PRELP: variants seen among roughly 807,000 people sequenced by gnomAD.
PRELP encodes proline and arginine rich end leucine rich repeat protein, also known as prolargin.
Under a neutral mutation model 22.8 loss-of-function variants are expected in PRELP, and 16 were observed. That is an observed-to-expected ratio of 0.70 (90% confidence interval 0.47 to 1.06). The LOEUF (loss-of-function observed/expected upper bound fraction) is 1.06. Among genes scored for constraint, PRELP ranks in the 50% least tolerant of loss-of-function variants. The pLI, the probability that PRELP is intolerant of heterozygous loss-of-function variation, is 0.00. For missense variants in PRELP, 434 were observed against 485.2 expected (o/e 0.89, Z 0.99); for synonymous variants, 233 against 211.4 (o/e 1.10, Z -0.89).
intron 1 of PRELP, among the ~76,000 whole-genome samples, chr1:203,479,087 G>T (rs1364135868): frequency 6.6e-6 from 1 of 152,176 alleles, no homozygotes; most frequent in Admixed American, 6.5e-5. Context: ...CCACTGCAGG[G>T]TAGCTCTGGG....
Position 203,488,695 on chromosome 1 carries a change from C to T in PRELP, c.*1814C>T, listed in dbSNP as rs1661140414. ...TCCCTCCCCCAGAGGCTTCCCCACC[C>T]TCCATTGCCTGGCCCAGGTGAGCAG... On this transcript the variant is annotated 3_prime_UTR_variant, in exon 3 of 3. Coordinates refer to ENST00000343110, the MANE Select transcript of PRELP (RefSeq NM_002725.4). The T allele has an allele frequency of 6.6e-6, 1 of 152,232 alleles. No homozygotes were observed. The highest frequency in any genetic ancestry group is 1.5e-5 in the Non-Finnish European group (1 of 68,080). 9.4% of individuals were successfully genotyped at this position (152,232 alleles called of 1,614,324 possible). A position where few individuals can be genotyped will look rare whatever the true frequency, so the allele number is the denominator to read the frequency against.
rs182637290 is a variant in PRELP at position 203,478,662 on chromosome 1, C to T, written c.-17+2724C>T. ...GAAAACTGAGGCCCAGAACAGGGTT[C>T]GCATCACTAGGTAGTGGTGGAGGGG... On this transcript the variant is annotated intron_variant, in intron 1 of 2. Coordinates refer to ENST00000343110, the MANE Select transcript of PRELP (RefSeq NM_002725.4). Among the ~76,000 whole-genome samples the T allele has an allele frequency of 3.5e-4, 53 of 152,144 alleles. No homozygotes were observed. In the East Asian group the frequency reaches 7.5e-3, roughly 22 times the overall value.
chr1:203,487,142 G>C lies in PRELP; in HGVS notation c.*261G>C. On this transcript the variant is annotated 3_prime_UTR_variant, in exon 3 of 3. Coordinates refer to ENST00000343110, the MANE Select transcript of PRELP (RefSeq NM_002725.4). Reference sequence around the variant, plus strand: ...CCTTCTGTGGTTTCCCTTTGCTCCAGAAACACAGATGTGTCTAAAGACTTG... The same window carrying C: ...CCTTCTGTGGTTTCCCTTTGCTCCACAAACACAGATGTGTCTAAAGACTTG... 2.4e-6 allele frequency: 1 copy of C among 424,126 alleles called. No homozygotes were observed. The highest frequency in any genetic ancestry group is 4.2e-6 in the Non-Finnish European group (1 of 235,800). 26.3% of individuals were successfully genotyped at this position (424,126 alleles called of 1,614,324 possible). A position where few individuals can be genotyped will look rare whatever the true frequency, so the allele number is the denominator to read the frequency against.
intron 1 of PRELP, among the ~76,000 whole-genome samples, chr1:203,481,642 C>T (rs767358164): frequency 6.6e-5 from 10 of 152,186 alleles, no homozygotes; most frequent in Non-Finnish European, 1.2e-4. Flanking sequence ...CAGTCTCTGC[C>T]TTCCTTCCCT....
chr1:203,485,772 T>A lies in PRELP; in HGVS notation c.974-934T>A, dbSNP rs564764587. Among the ~76,000 whole-genome samples the A allele has an allele frequency of 3.3e-5, 5 of 152,198 alleles. 1 individual carries two copies. The highest frequency in any genetic ancestry group is 1.2e-4 in the African/African-American group (5 of 41,550). Reference sequence around the variant, plus strand: ...CTTCCTCCTCCTGCTCCTCCATAAATGATAAGTGAGGCAAGGCTTAGGGAG... The same window carrying A: ...CTTCCTCCTCCTGCTCCTCCATAAAAGATAAGTGAGGCAAGGCTTAGGGAG... On this transcript the variant is annotated intron_variant, in intron 2 of 2. Transcript: ENST00000343110.
At chr1:203,481,109 G>A (rs537221948) in intron 1 of PRELP, among the ~76,000 whole-genome samples, 7 of 152,082 alleles carry the variant, frequency 4.6e-5, no homozygotes, top group Non-Finnish European at 8.8e-5. Flanking sequence ...ATATGCTTTC[G>A]GTGACAAAGG....
At chr1:203,477,931 G>A (rs2102204388) in intron 1 of PRELP, among the ~76,000 whole-genome samples, 1 of 152,292 alleles carries the variant, frequency 6.6e-6, no homozygotes, top group South Asian at 2.1e-4. Context: ...AGACCCAAGT[G>A]TGATCTCACA....
Position 203,483,567 on chromosome 1 carries a change from T to A in PRELP, c.383T>A (p.Leu128Gln). 1 of 1,614,208 alleles carries A rather than the reference T, an allele frequency of 6.2e-7. No homozygotes were observed. Among genetic ancestry groups the A allele is most frequent in the Non-Finnish European group, 8.5e-7 (1 of 1,180,042 alleles). ...PVESFQNATGLRWINLDNNRI... is the reference protein window; with the variant it reads ...PVESFQNATGQRWINLDNNRI... The stretch of plus-strand genomic sequence containing the variant: ...GAGTCCTTCCAGAATGCCACAGGCC[T>A]GCGATGGATTAACCTGGACAACAAC... The change falls in exon 2 of 3, where the codon CTG becomes CAG. Residue 128 changes from leucine to glutamine, a missense_variant. Physicochemically the swap from Leu to Gln is moderately radical, Grantham distance 113. Transcript: ENST00000343110. This position sits in a 1 kb window ranked among gnomAD's most constrained non-coding sequence, Gnocchi z 4.4.
intron 1 of PRELP, among the ~76,000 whole-genome samples, chr1:203,482,257 G>A (rs1023776665): frequency 2.4e-4 from 37 of 151,834 alleles, no homozygotes; most frequent in African/African-American, 8.0e-4. Context: ...CTCCTGACTC[G>A]GAGTCCAGTG....
At chr1:203,481,448 T>C (rs1660998707) in intron 1 of PRELP, among the ~76,000 whole-genome samples, 2 of 152,222 alleles carry the variant, frequency 1.3e-5, no homozygotes, top group African/African-American at 4.8e-5. Context: ...AGTTTTGCAA[T>C]TAATGCCTTC....
Position 203,483,617 on chromosome 1 carries a change from G to T in PRELP, c.433G>T (p.Val145Leu). The change falls in exon 2 of 3, where the codon GTG becomes TTG. Residue 145 changes from valine to leucine, a missense_variant. Coordinates refer to ENST00000343110, the MANE Select transcript of PRELP (RefSeq NM_002725.4). The surrounding 1 kb of genome is among the most constrained non-coding windows in gnomAD (Gnocchi z 4.4). ...CCGAATCCGCAAGATAGACCAGAGG[G>T]TGCTGGAGAAACTGCCCGGCCTGGT... ...NNRIRKIDQR[V>L]LEKLPGLVFL... The T allele has an allele frequency of 6.2e-7, 1 of 1,614,216 alleles. No individual in the cohort carries two copies. The highest frequency in any genetic ancestry group is 8.5e-7 in the Non-Finnish European group (1 of 1,180,036).
chr1:203,482,346 T>C (rs1661015108), intron 1 of PRELP, among the ~76,000 whole-genome samples: 1 of 151,758 alleles, frequency 6.6e-6, no homozygotes, highest in African/African-American at 2.4e-5. Flanking sequence ...TGGTGCAATC[T>C]CGGCTCACTG....
In PRELP at chr1:203,486,776, C is replaced by T. The variant is rs770799918; in HGVS notation, c.1044C>T (p.Asn348=). The change falls in exon 3 of 3, where the codon AAC becomes AAT. Residue 348 remains asparagine (N), a synonymous_variant. Coordinates refer to ENST00000343110, the MANE Select transcript of PRELP (RefSeq NM_002725.4). ...ATGACTTCTCCTCGGACCTGGAGAA[C>T]GTGCCACACCTGCGCTACCTGCGGC... ...AFHDFSSDLE[N]VPHLRYLRLD... 1.5e-5 allele frequency: 24 copies of T among 1,613,908 alleles called. No individual in the cohort carries two copies. The highest frequency in any genetic ancestry group is 1.9e-5 in the Non-Finnish European group (23 of 1,179,900).
At chr1:203,480,887 C>T (rs1660987994) in intron 1 of PRELP, among the ~76,000 whole-genome samples, 1 of 152,220 alleles carries the variant, frequency 6.6e-6, no homozygotes, top group South Asian at 2.1e-4. Context: ...ATGAGGAAGG[C>T]CTGTGTTTAC....
At chr1:203,477,519 G>A (rs1424323816) in intron 1 of PRELP, among the ~76,000 whole-genome samples, 1 of 152,134 alleles carries the variant, frequency 6.6e-6, no homozygotes, top group East Asian at 1.9e-4. Context: ...CCCCTCACCT[G>A]TTAATCTGCC....
Position 203,483,300 on chromosome 1 carries a change from G to C in PRELP, c.116G>C (p.Arg39Thr). 1 of 1,613,886 alleles carries C rather than the reference G, an allele frequency of 6.2e-7. No individual in the cohort carries two copies. The highest frequency in any genetic ancestry group is 8.5e-7 in the Non-Finnish European group (1 of 1,179,892). Residue 39 changes from arginine (R) to threonine (T), a missense_variant, in exon 2 of 3, where the codon AGG becomes ACG. Physicochemically the swap from Arg to Thr is moderately conservative, Grantham distance 71. Transcript: ENST00000343110. This position sits in a 1 kb window ranked among gnomAD's most constrained non-coding sequence, Gnocchi z 4.4. The stretch of plus-strand genomic sequence containing the variant: ...GGGCCCGGGCGCAGACCCAGGCCCA[G>C]GCCCAGGCCCACACCCAGCTTTCCT... ...GTGPGRRPRP[R>T]PRPTPSFPQP...
In PRELP at chr1:203,491,068, G is replaced by A. The variant is rs1325536871; in HGVS notation, c.*4187G>A. The A allele has an allele frequency of 1.3e-5, 2 of 152,142 alleles. No homozygotes were observed. The highest frequency in any genetic ancestry group is 2.9e-5 in the Non-Finnish European group (2 of 68,048). The allele number at this position is 152,142 out of a possible 1,614,324, so 9.4% of individuals were successfully genotyped here. A position where few individuals can be genotyped will look rare whatever the true frequency, so the allele number is the denominator to read the frequency against. On this transcript the variant is annotated 3_prime_UTR_variant, in exon 3 of 3. Coordinates refer to ENST00000343110, the MANE Select transcript of PRELP (RefSeq NM_002725.4). The surrounding 1 kb of genome is among the most constrained non-coding windows in gnomAD (Gnocchi z 4.4). ...ACGGCTGGTTCCTACCTTAACTGAT[G>A]ATATTCCACCACAAAAGAAGTGAAA...
chr1:203,487,028 ATTC>A lies in PRELP; in HGVS notation c.*152_*154del, dbSNP rs1021781346. The A allele has an allele frequency of 2.2e-5, 21 of 941,730 alleles. 1 individual carries two copies. The highest frequency in any genetic ancestry group is 6.9e-4 in the Middle Eastern group (2 of 2,894). The allele number at this position is 941,730 out of a possible 1,614,324, so 58.3% of individuals were successfully genotyped here. On this transcript the variant is annotated 3_prime_UTR_variant, in exon 3 of 3. Transcript: ENST00000343110. ...CCCTCGAGGCAGGGAAAAGCCATCTATTCTTCTGCAGCCTCAGGAGCGAGACTT... is the reference window on the plus strand; with the variant it reads ...CCCTCGAGGCAGGGAAAAGCCATCTATTCTGCAGCCTCAGGAGCGAGACTT...
chr1:203,478,151 G>C (rs1660943738), intron 1 of PRELP, among the ~76,000 whole-genome samples: 1 of 152,224 alleles, frequency 6.6e-6, no homozygotes, highest in Non-Finnish European at 1.5e-5. Flanking sequence ...AAACAGAAAA[G>C]AAGGTGTTAG....
Sources: gnomAD v4.1 joint callset for allele counts (sites outside exome capture counted in the v4.1 genomes callset) on GRCh38, gnomAD v4.1.1 for gene constraint, Gnocchi (gnomAD v3.1) non-coding constraint, MANE v1.5 for transcripts, NCBI Gene and HGNC (gene_info 2026-07-23, HGNC 2026-07-21) for gene names.